SYN3: variants seen among roughly 807,000 people sequenced by gnomAD.
SYN3 encodes the protein synapsin III.
SYN3 carries 35 observed loss-of-function variants against 65.8 expected under a neutral mutation model. That is an observed-to-expected ratio of 0.53 (90% CI 0.41 to 0.70). The LOEUF (loss-of-function observed/expected upper bound fraction) is 0.70. Ranked by LOEUF, SYN3 falls within the 30% of genes least tolerant of loss-of-function variation. SYN3 has a pLI of 0.00. For missense variants in SYN3, 680 were observed against 749.0 expected (o/e 0.91, Z 1.08); for synonymous variants, 270 against 292.9 (o/e 0.92, Z 0.80).
intron 6 of SYN3, among the ~76,000 whole-genome samples, chr22:32,738,043 T>C (rs1036886873): frequency 1.3e-5 from 2 of 152,174 alleles, no homozygotes; most frequent in African/African-American, 4.8e-5. Context: ...CAACTAATTA[T>C]CAATTATCCT....
chr22:32,663,367 T>C (rs1389912108), intron 6 of SYN3, among the ~76,000 whole-genome samples: 1 of 151,628 alleles, frequency 6.6e-6, no homozygotes, highest in Non-Finnish European at 1.5e-5. Flanking sequence ...GGCGCCATCT[T>C]GGCTCACTGC....
chr22:32,856,064 A>G (rs2048354701), intron 6 of SYN3, among the ~76,000 whole-genome samples: 1 of 152,232 alleles, frequency 6.6e-6, no homozygotes, highest in South Asian at 2.1e-4. Flanking sequence ...ATTTCTATAA[A>G]GTGGGGTTTG....
chr22:32,725,959 G>T (rs1907319067), intron 6 of SYN3, among the ~76,000 whole-genome samples: 1 of 152,152 alleles, frequency 6.6e-6, no homozygotes, highest in South Asian at 2.1e-4. Context: ...CCCTGAGCAT[G>T]ACATACAAGG....
At chr22:32,748,290 G>C (rs2044998660) in intron 6 of SYN3, among the ~76,000 whole-genome samples, 1 of 152,216 alleles carries the variant, frequency 6.6e-6, no homozygotes, top group Admixed American at 6.5e-5. Context: ...CCAGGAGAAA[G>C]AGCATGGGAT....
intron 6 of SYN3, among the ~76,000 whole-genome samples, chr22:32,716,789 C>G (rs1431787642): frequency 6.6e-6 from 1 of 152,096 alleles, no homozygotes; most frequent in African/African-American, 2.4e-5. Flanking sequence ...TTTCAAAGGG[C>G]TGGGATTACA....
intron 6 of SYN3, among the ~76,000 whole-genome samples, chr22:32,620,368 A>C (rs1015829820): frequency 6.6e-6 from 1 of 152,158 alleles, no homozygotes; most frequent in African/African-American, 2.4e-5. Context: ...CTCTACTTCC[A>C]CAGGGAAATC....
intron 6 of SYN3, among the ~76,000 whole-genome samples, chr22:32,808,629 ACT>A (rs2046830156): frequency 4.0e-5 from 6 of 151,734 alleles, no homozygotes; most frequent in Admixed American, 3.9e-4. Flanking sequence ...AGCTGTTCAT[ACT>A]CTGTCTCTCT....
intron 4 of SYN3, among the ~76,000 whole-genome samples, chr22:32,912,857 C>T (rs2050088035): frequency 6.6e-6 from 1 of 152,088 alleles, no homozygotes; most frequent in Admixed American, 6.6e-5. Context: ...GAGTGATAAA[C>T]AGGTGGAATG....
intron 6 of SYN3, among the ~76,000 whole-genome samples, chr22:32,749,497 C>T (rs902217274): frequency 5.3e-5 from 8 of 151,998 alleles, no homozygotes; most frequent in South Asian, 2.1e-4. Flanking sequence ...AAAAATTAGC[C>T]GGGCACGATG....
chr22:32,527,738 C>T, intron 12 of SYN3, 180 bp downstream of exon 12: 1 of 569,232 alleles, frequency 1.8e-6, no homozygotes. Flanking sequence ...CCTTCTATTT[C>T]CCTTCTCCTT....
intron 4 of SYN3, among the ~76,000 whole-genome samples, chr22:32,887,335 T>G (rs1170390386): frequency 1.3e-5 from 2 of 151,082 alleles, no homozygotes; most frequent in African/African-American, 2.4e-5. Flanking sequence ...CTATGATCAC[T>G]CCACTGCACT....
At chr22:32,849,375 C>A (rs2048154934) in intron 6 of SYN3, 3 of 1,277,886 alleles carry the variant, frequency 2.3e-6, no homozygotes, top group Admixed American at 1.9e-5. Flanking sequence ...CAGAGGCTAG[C>A]GTGCCCGCCC....
At chr22:32,609,689 G>A (rs957074636) in intron 6 of SYN3, among the ~76,000 whole-genome samples, 2 of 151,318 alleles carry the variant, frequency 1.3e-5, no homozygotes, top group Non-Finnish European at 1.5e-5. Context: ...ACAGGGTCTC[G>A]CTTTGTTGCC....
At chr22:32,540,183 A>G (rs1202402618) in intron 8 of SYN3, among the ~76,000 whole-genome samples, 1 of 152,248 alleles carries the variant, frequency 6.6e-6, no homozygotes, top group Non-Finnish European at 1.5e-5. Flanking sequence ...GGCCCTCTAC[A>G]GAAAAAGTTT....
chr22:32,894,501 C>T lies in SYN3; in HGVS notation c.462-25376G>A, dbSNP rs117479318. On this transcript the variant is annotated intron_variant, in intron 4 of 13. Transcript: ENST00000358763. ...CCAATTCTGGTCAATGAGGCCAACACAGAAATCTGCTAAGGACTTCTGGCA... is the reference window on the plus strand; with the variant it reads ...CCAATTCTGGTCAATGAGGCCAACATAGAAATCTGCTAAGGACTTCTGGCA... 2.7e-4 allele frequency among the ~76,000 whole-genome samples: 41 copies of T among 152,324 alleles called. 1 individual carries two copies. The East Asian group carries it at 7.2e-3, about 27-fold the overall frequency.
intron 3 of SYN3, among the ~76,000 whole-genome samples, chr22:32,948,021 C>T (rs1223174374): frequency 2.6e-5 from 4 of 152,186 alleles, no homozygotes; most frequent in Non-Finnish European, 5.9e-5. Context: ...CTCTCAGCTG[C>T]TTAGGGCTGT....
At chr22:33,027,198 C>G (rs138789753) in intron 1 of SYN3, among the ~76,000 whole-genome samples, 114 of 152,080 alleles carry the variant, frequency 7.5e-4, no homozygotes, top group African/African-American at 2.4e-3. Flanking sequence ...GCAAAACACT[C>G]TGATATATAT....
At chr22:32,609,001 A>T (rs1355817224) in intron 6 of SYN3, among the ~76,000 whole-genome samples, 1 of 151,988 alleles carries the variant, frequency 6.6e-6, no homozygotes, top group Non-Finnish European at 1.5e-5. Flanking sequence ...TATTTATTGT[A>T]AAAATATCTG....
intron 6 of SYN3, among the ~76,000 whole-genome samples, chr22:32,629,451 G>A (rs1028498070): frequency 6.6e-6 from 1 of 152,186 alleles, no homozygotes; most frequent in Non-Finnish European, 1.5e-5. Flanking sequence ...TTGAGCAGTT[G>A]AACCTAATGA....
Sources: gnomAD v4.1 joint callset for allele counts (sites outside exome capture counted in the v4.1 genomes callset) on GRCh38, gnomAD v4.1.1 for gene constraint, MANE v1.5 for transcripts, NCBI Gene and HGNC (gene_info 2026-07-23, HGNC 2026-07-21) for gene names.